The following MTSS1 variants were observed in gnomAD, a reference collection of about 807,000 sequenced individuals.
MTSS1 encodes the protein MTSS I-BAR domain containing 1, also known as protein MTSS 1.
Under a neutral mutation model 79.0 loss-of-function variants are expected in MTSS1, and 18 were observed. The observed-to-expected ratio is 0.23, with a 90% CI of 0.16 to 0.34. The LOEUF (loss-of-function observed/expected upper bound fraction) is 0.34. MTSS1 is among the 10% of genes least tolerant of loss of function. The pLI is 1.00. For synonymous variants in MTSS1, 341 were observed against 368.6 expected (o/e 0.93, Z 0.86); for missense variants, 815 against 986.2 (o/e 0.83, Z 2.33).
chr8:124,629,221 C>G (rs534582641), intron 3 of MTSS1, among the ~76,000 whole-genome samples: 2 of 152,202 alleles, frequency 1.3e-5, no homozygotes, highest in African/African-American at 4.8e-5. Context: ...CTAAGAAATT[C>G]TGGAGCTAGA....
intron 3 of MTSS1, among the ~76,000 whole-genome samples, chr8:124,654,783 C>T (rs1186789979): frequency 6.6e-6 from 1 of 152,140 alleles, no homozygotes; most frequent in Non-Finnish European, 1.5e-5. Context: ...TTACAAGCAA[C>T]GTGCACAGCC....
chr8:124,629,497 C>CAGAGAGAGAT (rs59476168), intron 3 of MTSS1, among the ~76,000 whole-genome samples: 1 of 124,248 alleles, frequency 8.0e-6, no homozygotes, highest in African/African-American at 3.6e-5. Flanking sequence ...GCCTGAATGA[C>CAGAGAGAGAT]TCCGTCTCAA....
At position 124,654,288 on chromosome 8, in the gene MTSS1, G is replaced by A. The variant is rs997933621; in HGVS notation, c.208+45238C>T. On this transcript the variant is annotated intron_variant, in intron 3 of 13. Transcript: ENST00000518547. ...TACAGTTAAATGTTTCACCGTCTTC[G>A]CTCATCCAGTGTTCATTTTAATGAC... is the stretch of plus-strand genomic sequence containing the variant. Among the ~76,000 whole-genome samples, 5 of 152,188 alleles carry A rather than the reference G, an allele frequency of 3.3e-5. No homozygotes were observed. The East Asian group carries it at 5.8e-4, about 18-fold the overall frequency.
chr8:124,664,524 T>C (rs939816683), intron 3 of MTSS1, among the ~76,000 whole-genome samples: 2 of 152,202 alleles, frequency 1.3e-5, no homozygotes, highest in African/African-American at 4.8e-5. Flanking sequence ...CACTCTAAAA[T>C]TGAGCCCTTC....
intron 3 of MTSS1, chr8:124,673,198 T>A (rs2134716381): frequency 6.6e-6 from 1 of 152,206 alleles, no homozygotes; most frequent in South Asian, 2.1e-4. Context: ...CACACTCACT[T>A]TCACAGCAAA....
chr8:124,647,623 C>A (rs1246351140), intron 3 of MTSS1, among the ~76,000 whole-genome samples: 1 of 152,104 alleles, frequency 6.6e-6, no homozygotes, highest in East Asian at 1.9e-4. Context: ...AGATGTGTGG[C>A]ATGTTGAAAT....
rs534489466 is a variant in MTSS1 at position 124,604,879 on chromosome 8, C to G, written c.209-13644G>C. The stretch of plus-strand genomic sequence containing the variant: ...GAAACAAAACCCACACACAATCCTA[C>G]CACCATCTGGCGGCTTCAGACCAGC... On this transcript the variant is annotated intron_variant, in intron 3 of 13. Transcript: ENST00000518547. Among the ~76,000 whole-genome samples, 26 of 152,330 alleles carry G rather than the reference C, an allele frequency of 1.7e-4. No homozygotes were observed. The South Asian group carries it at 2.7e-3, about 16-fold the overall frequency.
intron 3 of MTSS1, among the ~76,000 whole-genome samples, chr8:124,688,194 A>G (rs1827298846): frequency 6.6e-6 from 1 of 151,862 alleles, no homozygotes; most frequent in Non-Finnish European, 1.5e-5. Flanking sequence ...GTATGTGCAT[A>G]TGTGTATGTT....
At position 124,629,145 on chromosome 8, in the gene MTSS1, C is replaced by T. The variant is rs184004060; in HGVS notation, c.209-37910G>A. On this transcript the variant is annotated intron_variant, in intron 3 of 13. Transcript: ENST00000518547. ...CCCTGTGCATAAGCACTATCATCAC[C>T]CCCATTTTATAGATGAGAAAACTAA... 1.7e-3 allele frequency among the ~76,000 whole-genome samples: 253 copies of T among 152,242 alleles called. 1 individual carries two copies. Among genetic ancestry groups the T allele is most frequent in the Non-Finnish European group, 2.7e-3 (185 of 68,008 alleles).
At position 124,551,477 on chromosome 8, in the gene MTSS1, T is replaced by G. The variant is rs187731604; in HGVS notation, c.*1515A>C. ...TACTCTCACATCCAATGCAGTTATG[T>G]GTTAAAGCATAAGATTAGGTAATTG... On this transcript the variant is annotated 3_prime_UTR_variant, in exon 14 of 14. Transcript: ENST00000518547. The G allele has an allele frequency of 1.3e-5, 2 of 152,728 alleles. No homozygotes were observed. The highest frequency in any genetic ancestry group is 1.3e-4 in the Admixed American group (2 of 15,306). The allele number at this position is 152,728 out of a possible 1,614,324, so 9.5% of individuals were successfully genotyped here.
chr8:124,601,018 C>T (rs1428194185), intron 3 of MTSS1, among the ~76,000 whole-genome samples: 1 of 151,064 alleles, frequency 6.6e-6, no homozygotes, highest in Non-Finnish European at 1.5e-5. Flanking sequence ...CTTGGCTGAA[C>T]AGCTTTTTAA....
At chr8:124,629,494 T>TGCCAGAGAGA (rs1815423420) in intron 3 of MTSS1, among the ~76,000 whole-genome samples, 1 of 126,712 alleles carries the variant, frequency 7.9e-6, no homozygotes. Flanking sequence ...CCAGCCTGAA[T>TGCCAGAGAGA]GACTCCGTCT....
rs149064342 is a variant in MTSS1 at position 124,592,919 on chromosome 8, G to T, written c.209-1684C>A. 2.4e-3 allele frequency among the ~76,000 whole-genome samples: 369 copies of T among 152,314 alleles called. 1 individual carries two copies. Among genetic ancestry groups the T allele is most frequent in the African/African-American group, 8.3e-3 (346 of 41,558 alleles). On this transcript the variant is annotated intron_variant, in intron 3 of 13. Transcript: ENST00000518547. ...TGTGATCCTCCAAAATGTCTCCAGA[G>T]AGTACCAAGTGTTGGGCAACAAATC...
rs145392572 is a variant in MTSS1 at position 124,560,145 on chromosome 8, G to A, written c.1036-2270C>T. On this transcript the variant is annotated intron_variant, in intron 10 of 13. Coordinates refer to ENST00000518547, the MANE Select transcript of MTSS1 (RefSeq NM_014751.6). ...GTTAGCAGCCCAGGATTTGAAGATG[G>A]AAGGTTTGGATTTAAGTCACATTTG... 3.8e-3 allele frequency among the ~76,000 whole-genome samples: 579 copies of A among 152,320 alleles called. 6 individuals carry two copies. Among genetic ancestry groups the A allele is most frequent in the Admixed American group, 8.6e-3 (131 of 15,298 alleles).
rs964142185 is a variant in MTSS1 at position 124,698,373 on chromosome 8, C to G, written c.208+1153G>C. Among the ~76,000 whole-genome samples the G allele has an allele frequency of 7.9e-5, 12 of 152,142 alleles. No homozygotes were observed. The East Asian group carries it at 1.2e-3, about 15-fold the overall frequency. Reference sequence around the variant, plus strand: ...AACAGGCCTATAGCTGCCAGTACAACAAGAAGACCCAGAAAGACAAGGCAA... The same window carrying G: ...AACAGGCCTATAGCTGCCAGTACAAGAAGAAGACCCAGAAAGACAAGGCAA... On this transcript the variant is annotated intron_variant, in intron 3 of 13. Coordinates refer to ENST00000518547, the MANE Select transcript of MTSS1 (RefSeq NM_014751.6).
At chr8:124,628,888 G>A (rs774758689) in intron 3 of MTSS1, among the ~76,000 whole-genome samples, 18 of 152,118 alleles carry the variant, frequency 1.2e-4, no homozygotes, top group Non-Finnish European at 1.9e-4. Context: ...GTCTAGCTCC[G>A]AAGTCTGCAC....
chr8:124,727,449 C>T lies in MTSS1; in HGVS notation c.72+435G>A. 2.4e-6 allele frequency: 1 copy of T among 421,046 alleles called. No homozygotes were observed. The highest frequency in any genetic ancestry group is 4.7e-6 in the Non-Finnish European group (1 of 210,846). The allele number at this position is 421,046 out of a possible 1,614,324, so 26.1% of individuals were successfully genotyped here. Reference sequence around the variant, plus strand: ...AGGCTAGGGGACTCCTTCCTGCGAGCGGGCAGAGCCCCCACTTCCTCCCCA... The same window carrying T: ...AGGCTAGGGGACTCCTTCCTGCGAGTGGGCAGAGCCCCCACTTCCTCCCCA... On this transcript the variant is annotated intron_variant, in intron 1 of 13. Coordinates refer to ENST00000518547, the MANE Select transcript of MTSS1 (RefSeq NM_014751.6). The surrounding 1 kb of genome is among the most constrained non-coding windows in gnomAD (Gnocchi z 4.7).
In MTSS1 at chr8:124,552,932, A is replaced by AG. The variant is rs1294900824; in HGVS notation, c.*59dup. The AG allele has an allele frequency of 6.5e-7, 1 of 1,533,580 alleles. No individual in the cohort carries two copies. Among genetic ancestry groups the AG allele is most frequent in the East Asian group, 2.3e-5 (1 of 44,224 alleles). The allele number at this position is 1,533,580 out of a possible 1,614,324, so 95.0% of individuals were successfully genotyped here. On this transcript the variant is annotated 3_prime_UTR_variant, in exon 14 of 14. Coordinates refer to ENST00000518547, the MANE Select transcript of MTSS1 (RefSeq NM_014751.6). ...TTTTATTATAGAGTGGAATGGATCA[A>AG]GACAAATTAGGTTTTATTAATGAAA...
intron 3 of MTSS1, among the ~76,000 whole-genome samples, chr8:124,697,728 C>T (rs7013593): frequency 0.22 from 33,671 of 152,070 alleles, 3,847 homozygotes; most frequent in South Asian, 0.26. Flanking sequence ...AAGTTCTTCT[C>T]TACGGTTGTA....
Sources: gnomAD v4.1 joint callset for allele counts (sites outside exome capture counted in the v4.1 genomes callset) on GRCh38, gnomAD v4.1.1 for gene constraint, Gnocchi (gnomAD v3.1) non-coding constraint, MANE v1.5 for transcripts, NCBI Gene and HGNC (gene_info 2026-07-23, HGNC 2026-07-21) for gene names.